Variants in PCNX3 observed in about 807,000 individuals in gnomAD.
The protein encoded by PCNX3 is pecanex 3.
In PCNX3, 58 loss-of-function variants were observed where a neutral mutation model predicts 207.2. The ratio of observed to expected loss-of-function variants is 0.28; its 90% CI spans 0.23 to 0.35. The LOEUF (loss-of-function observed/expected upper bound fraction) is 0.35, where lower values mean the gene tolerates loss of function less well. Ranked by LOEUF, PCNX3 falls within the 10% of genes least tolerant of loss-of-function variation. PCNX3 has a pLI of 1.00. For synonymous variants in PCNX3, 1,337 were observed against 1,183.5 expected (o/e 1.13, Z -2.66); for missense variants, 2,410 against 2,774.4 (o/e 0.87, Z 2.95).
At chr11:65,620,184 G>T (rs537526810) in intron 8 of PCNX3, among the ~76,000 whole-genome samples, 155 bp from the exon 9 acceptor site, 1 of 152,312 alleles carries the variant, frequency 6.6e-6, no homozygotes, top group East Asian at 1.9e-4. Flanking sequence ...CCAGGCTCTT[G>T]ACCTGTAGGC....
chr11:65,622,142 G>GCT lies in PCNX3; in HGVS notation c.2236-103_2236-102insCT. ...TGGTCAACCAGACCGGTGTGCTGAA[G>GCT]GGGGGTAACAGTAGACCATGTGGGG... On this transcript the variant is annotated intron_variant, in intron 10 of 34. Transcript: ENST00000355703. 2.0e-6 allele frequency: 3 copies of GCT among 1,465,196 alleles called. No homozygotes were observed. In the South Asian group the frequency reaches 4.1e-5, roughly 20 times the overall value. The allele number at this position is 1,465,196 out of a possible 1,614,324, so 90.8% of individuals were successfully genotyped here. A position where few individuals can be genotyped will look rare whatever the true frequency, so the allele number is the denominator to read the frequency against.
chr11:65,629,247 A>T, intron 24 of PCNX3, 110 bp from the exon 25 acceptor site: 2 of 1,176,208 alleles, frequency 1.7e-6, no homozygotes, highest in East Asian at 2.6e-5. Flanking sequence ...TGCCTGCATA[A>T]CGGGGCTGTC....
Position 65,625,375 on chromosome 11 carries a change from G to A in PCNX3, c.3030-30G>A, listed in dbSNP as rs751872488. On this transcript the variant is annotated intron_variant, in intron 17 of 34. Coordinates refer to ENST00000355703, the MANE Select transcript of PCNX3 (RefSeq NM_032223.4). The surrounding 1 kb of genome is among the most constrained non-coding windows in gnomAD (Gnocchi z 5.6). The stretch of plus-strand genomic sequence containing the variant: ...ACTGGGGCCGGGGGGAAGGAGGGGC[G>A]GCCTCCTCCTGACTCTTCCTCACCC... The A allele has an allele frequency of 1.0e-5, 16 of 1,592,932 alleles. No individual in the cohort carries two copies. Among genetic ancestry groups the A allele is most frequent in the Middle Eastern group, 1.7e-4 (1 of 6,046 alleles).
Position 65,618,975 on chromosome 11 carries a change from C to T in PCNX3, c.1613C>T (p.Pro538Leu). ...QVGVEQAASE[P>L]VVLPAEARRG... ...GGGGTGGAGCAGGCTGCTAGTGAGC[C>T]TGTTGTGCTGCCTGCTGAGGCGCGA... The change falls in exon 6 of 35, where the codon CCT becomes CTT. Residue 538 changes from proline (P) to leucine (L), a missense_variant. Pro to Leu is a moderately conservative substitution (Grantham distance 98). This residue lies in a region of PCNX3 where 1,104 missense variants were observed against 970.3 expected (regional missense o/e 1.14). Transcript: ENST00000355703. 6.2e-7 allele frequency: 1 copy of T among 1,603,098 alleles called. No homozygotes were observed. The highest frequency in any genetic ancestry group is 8.5e-7 in the Non-Finnish European group (1 of 1,178,042).
At chr11:65,624,106 A>G (rs1855254764) in intron 13 of PCNX3, 89 bp from the exon 14 acceptor site, 7 of 1,566,926 alleles carry the variant, frequency 4.5e-6, no homozygotes, top group South Asian at 1.1e-5. Context: ...GCTTGGACCC[A>G]GGGCCAGGCC....
intron 29 of PCNX3, 78 bp downstream of exon 29, chr11:65,634,719 C>A: frequency 7.4e-7 from 1 of 1,352,104 alleles, no homozygotes; most frequent in Non-Finnish European, 1.0e-6. Context: ...TGGTCTCTGG[C>A]CACAGTGGCC....
At position 65,618,213 on chromosome 11, in the gene PCNX3, G is replaced by A. The variant is rs1378310508; in HGVS notation, c.851G>A (p.Arg284Gln). Residue 284 changes from arginine to glutamine, a missense_variant, in exon 6 of 35, where the codon CGG becomes CAG. Around this residue, in one of 8 missense-constraint regions of PCNX3, gnomAD observed 1,104 missense variants for 970.3 expected, o/e 1.14. Coordinates refer to ENST00000355703, the MANE Select transcript of PCNX3 (RefSeq NM_032223.4). The part of the protein sequence containing the change: ...RGAGGYQPLD[R>Q]RGSGEPTPQK... The stretch of plus-strand genomic sequence containing the variant: ...GCAGGTGGCTATCAGCCCCTTGACC[G>A]GCGGGGCTCAGGGGAGCCCACGCCC... The A allele has an allele frequency of 6.2e-6, 10 of 1,602,306 alleles. No individual in the cohort carries two copies. The highest frequency in any genetic ancestry group is 2.2e-5 in the South Asian group (2 of 90,674).
rs1378714255 is a variant in PCNX3, at chr11:65,623,977, G to A, written c.2544+16G>A. On this transcript the variant is annotated intron_variant, in intron 13 of 34. Coordinates refer to ENST00000355703, the MANE Select transcript of PCNX3 (RefSeq NM_032223.4). ...CCCCATGCACGTGAGTACCCATGGA[G>A]CAGCGCCTCTGGCCAGGAGGCCCCG... The A allele has an allele frequency of 1.7e-5, 27 of 1,610,764 alleles. No homozygotes were observed. The highest frequency in any genetic ancestry group is 2.1e-5 in the Non-Finnish European group (25 of 1,179,864).
At chr11:65,627,364 G>A (rs762187317) in intron 21 of PCNX3, 41 bp from the exon 22 acceptor site, 30 of 1,590,020 alleles carry the variant, frequency 1.9e-5, no homozygotes, top group Admixed American at 1.2e-4. Context: ...CCACTGCCCC[G>A]GTCCCCTACC....
chr11:65,621,050 G>A, intron 10 of PCNX3, 84 bp downstream of exon 10: 7 of 1,453,024 alleles, frequency 4.8e-6, no homozygotes, highest in Non-Finnish European at 6.4e-6. Context: ...TAGAGAGCTT[G>A]CCCAGGTGCC....
rs762687665 is a variant in PCNX3, at chr11:65,625,441, G to A, written c.3066G>A (p.Glu1022=). ...LIRSKLFPEL[E]ERSLETARAE... is the part of the protein sequence containing the mutation. ...GGAGCAAGCTGTTCCCTGAGCTGGA[G>A]GAGCGCAGCTTGGAGACAGCCCGGG... The change falls in exon 18 of 35, where the codon GAG becomes GAA. Residue 1022 remains glutamate (E), a synonymous_variant. Coordinates refer to ENST00000355703, the MANE Select transcript of PCNX3 (RefSeq NM_032223.4). The surrounding 1 kb of genome is among the most constrained non-coding windows in gnomAD (Gnocchi z 5.6). 2 of 1,606,034 alleles carry A rather than the reference G, an allele frequency of 1.2e-6. No homozygotes were observed. The highest frequency in any genetic ancestry group is 4.5e-5 in the East Asian group (2 of 44,836).
Position 65,617,279 on chromosome 11 carries a change from G to A in PCNX3, c.371G>A (p.Arg124Gln), listed in dbSNP as rs538071527. 16 of 1,609,634 alleles carry A rather than the reference G, an allele frequency of 9.9e-6. No individual in the cohort carries two copies. In the African/African-American group the frequency reaches 1.7e-4, roughly 17 times the overall value. ...CCCGGAGTGGAGATGACAGTGTTCC[G>A]GAAAGTCAGTTCCACACCCCCGGTG... ...RDPGVEMTVF[R>Q]KVSSTPPVRC... The change falls in exon 3 of 35, where the codon CGG becomes CAG. Residue 124 changes from arginine (R) to glutamine (Q), a missense_variant. Around this residue, in one of 8 missense-constraint regions of PCNX3, gnomAD observed 1,104 missense variants for 970.3 expected, o/e 1.14. Coordinates refer to ENST00000355703, the MANE Select transcript of PCNX3 (RefSeq NM_032223.4).
In PCNX3 at chr11:65,618,508, G is replaced by A. The variant is rs755067445; in HGVS notation, c.1146G>A (p.Arg382=). 7 of 1,610,714 alleles carry A rather than the reference G, an allele frequency of 4.3e-6. No individual in the cohort carries two copies. The South Asian group carries it at 6.6e-5, about 15-fold the overall frequency. The part of the protein sequence containing the change: ...PGLAEPLLVV[R]PKDLALLRPS... ...TGGCTGAGCCGCTCCTGGTCGTGCG[G>A]CCCAAGGACTTGGCCCTGCTACGGC... The change falls in exon 6 of 35, where the codon CGG becomes CGA. Residue 382 remains arginine, a synonymous_variant. Coordinates refer to ENST00000355703, the MANE Select transcript of PCNX3 (RefSeq NM_032223.4).
At position 65,624,710 on chromosome 11, in the gene PCNX3, C is replaced by A. The variant is rs534762864; in HGVS notation, c.2827+129C>A. 2.7e-5 allele frequency: 27 copies of A among 985,506 alleles called. No homozygotes were observed. The African/African-American group carries it at 3.4e-4, about 13-fold the overall frequency. The allele number at this position is 985,506 out of a possible 1,614,324, so 61.0% of individuals were successfully genotyped here. On this transcript the variant is annotated intron_variant, in intron 15 of 34. Coordinates refer to ENST00000355703, the MANE Select transcript of PCNX3 (RefSeq NM_032223.4). Reference sequence around the variant, plus strand: ...CTGTACTGCAGACTCAAGGTTTCTGCCTTCTCCCCTCTCCTTCCCTCCCCA... The same window carrying A: ...CTGTACTGCAGACTCAAGGTTTCTGACTTCTCCCCTCTCCTTCCCTCCCCA...
chr11:65,630,686 G>A, intron 27 of PCNX3, 82 bp downstream of exon 27: 1 of 1,516,632 alleles, frequency 6.6e-7, no homozygotes, highest in Non-Finnish European at 8.9e-7. Context: ...CCCCCTTTCT[G>A]GGTTGTTGGG....
intron 12 of PCNX3, 73 bp downstream of exon 12, chr11:65,623,717 T>C: frequency 1.3e-6 from 2 of 1,574,348 alleles, no homozygotes; most frequent in East Asian, 2.2e-5. Context: ...AACTCCAGTT[T>C]TAAGGAGTAT....
Position 65,627,401 on chromosome 11 carries a change from A to G in PCNX3, c.3525-4A>G, listed in dbSNP as rs1855447719. 3 of 1,606,740 alleles carry G rather than the reference A, an allele frequency of 1.9e-6. No individual in the cohort carries two copies. Among genetic ancestry groups the G allele is most frequent in the Non-Finnish European group, 2.5e-6 (3 of 1,179,452 alleles). On this transcript the variant is annotated splice_polypyrimidine_tract_variant and splice_region_variant and intron_variant, in intron 21 of 34. Transcript: ENST00000355703. ...AGCACCCGATGCCTGCCCCTTGCCC[A>G]CAGCTGCCGGGCGCTGCTGATGACC... is the stretch of plus-strand genomic sequence containing the variant.
Position 65,625,080 on chromosome 11 carries a change from G to C in PCNX3, c.2919+64G>C. ...GTAAGGGTGGTTGGGGCGGGGCTGT[G>C]AACTGGGCTCAGCAGTGGCTTCTCA... On this transcript the variant is annotated intron_variant, in intron 16 of 34. Coordinates refer to ENST00000355703, the MANE Select transcript of PCNX3 (RefSeq NM_032223.4). This position sits in a 1 kb window ranked among gnomAD's most constrained non-coding sequence, Gnocchi z 5.6. The C allele has an allele frequency of 6.4e-7, 1 of 1,566,984 alleles. No individual in the cohort carries two copies. The highest frequency in any genetic ancestry group is 1.4e-5 in the African/African-American group (1 of 74,030).
At chr11:65,633,453 C>T (rs1286266726) in intron 27 of PCNX3, among the ~76,000 whole-genome samples, 2 of 152,342 alleles carry the variant, frequency 1.3e-5, no homozygotes, top group Middle Eastern at 3.4e-3. Context: ...CCTGCCCTTC[C>T]GGCCCCGAGA....
Sources: gnomAD v4.1 joint callset for allele counts (sites outside exome capture counted in the v4.1 genomes callset) on GRCh38, gnomAD v4.1.1 for gene constraint, gnomAD v4.1.1 regional missense constraint, Gnocchi (gnomAD v3.1) non-coding constraint, MANE v1.5 for transcripts, NCBI Gene and HGNC (gene_info 2026-07-23, HGNC 2026-07-21) for gene names.